Variants in COL24A1 observed in about 807,000 individuals in gnomAD.
COL24A1 encodes collagen type XXIV alpha 1 chain, also known as collagen alpha-1(XXIV) chain.
Under a neutral mutation model 253.9 loss-of-function variants are expected in COL24A1, and 224 were observed. The observed-to-expected ratio is 0.88, with a 90% CI of 0.79 to 0.99. The LOEUF is 0.99. COL24A1 is among the 50% of genes least tolerant of loss of function. The pLI is 0.00. For synonymous variants in COL24A1, 685 were observed against 673.7 expected (o/e 1.02, Z -0.26); for missense variants, 2,131 against 2,068.5 (o/e 1.03, Z -0.59).
At chr1:86,048,625 G>C (rs1420832770) in intron 11 of COL24A1, among the ~76,000 whole-genome samples, 2 of 151,802 alleles carry the variant, frequency 1.3e-5, no homozygotes, top group African/African-American at 4.8e-5. Context: ...CAAGTAGTTG[G>C]GACTACAGGC....
intron 24 of COL24A1, among the ~76,000 whole-genome samples, chr1:85,922,612 C>T (rs528606040): frequency 6.6e-6 from 1 of 152,230 alleles, no homozygotes; most frequent in Non-Finnish European, 1.5e-5. Context: ...TACAGACAAG[C>T]AAATGCTGAG....
chr1:86,006,088 C>A (rs914451867), intron 19 of COL24A1, among the ~76,000 whole-genome samples: 16 of 152,074 alleles, frequency 1.1e-4, no homozygotes, highest in Middle Eastern at 3.2e-3. Flanking sequence ...GTAAATTCTT[C>A]CCAATGTGAT....
Position 85,734,967 on chromosome 1 carries a change from A to G in COL24A1, c.4783-3T>C, listed in dbSNP as rs531383648. On this transcript the variant is annotated splice_polypyrimidine_tract_variant and splice_region_variant and intron_variant, in intron 58 of 59. Transcript: ENST00000370571. ...ACTTTCCCAACTCCAAACTCCAACT[A>G]ATGTCATAGAAATGATATGCAGGTT... 2.0e-5 allele frequency: 33 copies of G among 1,613,702 alleles called. No individual in the cohort carries two copies. Among genetic ancestry groups the G allele is most frequent in the Non-Finnish European group, 2.3e-5 (27 of 1,179,728 alleles).
At chr1:85,736,969 T>G (rs893235010) in intron 58 of COL24A1, among the ~76,000 whole-genome samples, 1 of 152,200 alleles carries the variant, frequency 6.6e-6, no homozygotes, top group African/African-American at 2.4e-5. Flanking sequence ...GGTTATTATG[T>G]GCCCAATAAC....
At chr1:85,879,883 T>A (rs979924743) in intron 32 of COL24A1, among the ~76,000 whole-genome samples, 61 of 152,240 alleles carry the variant, frequency 4.0e-4, no homozygotes, top group African/African-American at 1.4e-3. Context: ...TGTTCAAGGG[T>A]CAATCGTACT....
At chr1:86,145,613 A>G (rs1651769306) in intron 2 of COL24A1, among the ~76,000 whole-genome samples, 1 of 152,132 alleles carries the variant, frequency 6.6e-6, no homozygotes, top group South Asian at 2.1e-4. Context: ...TCATACTACC[A>G]GAGTAATTAA....
intron 47 of COL24A1, among the ~76,000 whole-genome samples, chr1:85,806,155 A>C (rs192909874): frequency 6.6e-5 from 10 of 152,236 alleles, no homozygotes; most frequent in African/African-American, 2.2e-4. Context: ...ATAAGATACA[A>C]ATTTTCTCCA....
At chr1:85,899,142 A>G (rs894224099) in intron 28 of COL24A1, among the ~76,000 whole-genome samples, 3 of 152,204 alleles carry the variant, frequency 2.0e-5, no homozygotes, top group East Asian at 1.9e-4. Context: ...AGCCGTCTCT[A>G]TTGATTCTTT....
At position 85,847,691 on chromosome 1, in the gene COL24A1, C is replaced by T. The variant is rs554892683; in HGVS notation, c.3436G>A (p.Gly1146Ser). The change falls in exon 39 of 60, where the codon GGT (glycine) becomes AGT (serine). Residue 1146 changes from glycine (G) to serine (S), a missense_variant. Gly to Ser is a moderately conservative substitution (Grantham distance 56). Coordinates refer to ENST00000370571, the MANE Select transcript of COL24A1 (RefSeq NM_152890.7). ...PGKIGKSGPK[G>S]ARGTRGAVGH... ...ACAGCACCTCTAGTTCCTCTGGCAC[C>T]CTTAGGACCACTTTTCCCAATTTTT... 1.2e-6 allele frequency: 2 copies of T among 1,613,534 alleles called. No homozygotes were observed. The highest frequency in any genetic ancestry group is 1.3e-5 in the African/African-American group (1 of 74,880).
intron 37 of COL24A1, among the ~76,000 whole-genome samples, chr1:85,850,955 A>C (rs1456386895): frequency 6.6e-6 from 1 of 151,390 alleles, no homozygotes; most frequent in Admixed American, 6.6e-5. Flanking sequence ...CATCTACTTT[A>C]AGAAATAGAA....
chr1:85,807,072 T>C (rs1280151363), intron 47 of COL24A1, among the ~76,000 whole-genome samples: 1 of 152,210 alleles, frequency 6.6e-6, no homozygotes, highest in Non-Finnish European at 1.5e-5. Flanking sequence ...ACTCTGAACC[T>C]CTAATCCTGC....
At chr1:86,101,163 A>C (rs1704420558) in intron 5 of COL24A1, among the ~76,000 whole-genome samples, 1 of 152,100 alleles carries the variant, frequency 6.6e-6, no homozygotes, top group Admixed American at 6.6e-5. Flanking sequence ...AACTGAATTG[A>C]ATTGTTGCAT....
chr1:86,053,278 A>G (rs998776844), intron 10 of COL24A1, among the ~76,000 whole-genome samples: 1 of 152,130 alleles, frequency 6.6e-6, no homozygotes, highest in South Asian at 2.1e-4. Context: ...GTATATACTT[A>G]TCAGTGAACT....
chr1:86,127,933 T>G (rs1648568387), intron 2 of COL24A1, among the ~76,000 whole-genome samples: 1 of 152,102 alleles, frequency 6.6e-6, no homozygotes, highest in Admixed American at 6.6e-5. Flanking sequence ...TGTTTTATTT[T>G]AAGGTTAGAA....
chr1:85,896,074 G>A lies in COL24A1; in HGVS notation c.2833-9C>T, dbSNP rs1284108961. 4 of 1,612,408 alleles carry A rather than the reference G, an allele frequency of 2.5e-6. No homozygotes were observed. The highest frequency in any genetic ancestry group is 1.1e-5 in the South Asian group (1 of 90,798). ...TGATCTCCTTTTTCACCCTAACAAA[G>A]TATCAAAGCCAGGTGAGTTAGTAAG... On this transcript the variant is annotated splice_polypyrimidine_tract_variant and intron_variant, in intron 29 of 59. Transcript: ENST00000370571.
intron 37 of COL24A1, among the ~76,000 whole-genome samples, chr1:85,863,908 G>T (rs1483000777): frequency 6.6e-6 from 1 of 152,122 alleles, no homozygotes; most frequent in Admixed American, 6.5e-5. Flanking sequence ...ACAAGTGGGG[G>T]AGAGAAGGAT....
Position 86,143,293 on chromosome 1 carries a change from A to G in COL24A1, c.121+2826T>C, listed in dbSNP as rs563920963. ...CTGGTCCATAGCAGAGCAGAATTTTAGCATGCAGAAGGAATATCTCCAAGA... is the reference window on the plus strand; with the variant it reads ...CTGGTCCATAGCAGAGCAGAATTTTGGCATGCAGAAGGAATATCTCCAAGA... On this transcript the variant is annotated intron_variant, in intron 2 of 59. Coordinates refer to ENST00000370571, the MANE Select transcript of COL24A1 (RefSeq NM_152890.7). 4.6e-5 allele frequency among the ~76,000 whole-genome samples: 7 copies of G among 152,338 alleles called. No homozygotes were observed. The East Asian group carries it at 1.3e-3, about 29-fold the overall frequency.
chr1:85,938,974 C>CT (rs976037065), intron 24 of COL24A1, among the ~76,000 whole-genome samples: 1 of 152,142 alleles, frequency 6.6e-6, no homozygotes, highest in African/African-American at 2.4e-5. Context: ...TTCCCTGACT[C>CT]TTTCTACAAC....
At chr1:86,146,835 C>T (rs1031741768) in intron 1 of COL24A1, among the ~76,000 whole-genome samples, 2 of 151,894 alleles carry the variant, frequency 1.3e-5, no homozygotes, top group African/African-American at 4.8e-5. Context: ...TTAAAATGTC[C>T]ATTAGTATTG....
Sources: allele counts gnomAD v4.1 joint callset (sites outside exome capture counted in the v4.1 genomes callset), GRCh38; gene constraint gnomAD v4.1.1; transcripts MANE v1.5; gene names NCBI Gene and HGNC (gene_info 2026-07-23, HGNC 2026-07-21).